Variants in ZHX3 observed in about 807,000 individuals in gnomAD.
ZHX3 encodes zinc fingers and homeoboxes 3.
In ZHX3, 20 loss-of-function variants were observed where a neutral mutation model predicts 64.5. That is an observed-to-expected ratio of 0.31 (90% CI 0.22 to 0.45). The LOEUF is 0.45. Among genes scored for constraint, ZHX3 ranks in the 20% least tolerant of loss-of-function variants. The probability of loss-of-function intolerance (pLI) is 1.00; values close to 1 mark genes in which losing one functional copy is unlikely to be tolerated. For missense variants in ZHX3, 1,041 were observed against 1,195.8 expected (o/e 0.87, Z 1.91); for synonymous variants, 423 against 461.6 (o/e 0.92, Z 1.07).
chr20:41,303,992 G>C (rs1284094262), intron 1 of ZHX3, among the ~76,000 whole-genome samples: 1 of 152,168 alleles, frequency 6.6e-6, no homozygotes, highest in Non-Finnish European at 1.5e-5. Flanking sequence ...TACCTCTTAA[G>C]AGCTAAATCC....
intron 2 of ZHX3, chr20:41,238,919 G>A (rs1439675275): frequency 6.6e-6 from 1 of 151,258 alleles, no homozygotes; most frequent in Non-Finnish European, 1.5e-5. Flanking sequence ...ACATGCAAAT[G>A]GAAAGTTCAG....
At position 41,185,054 on chromosome 20, in the gene ZHX3, AG is replaced by A; in HGVS notation, c.*136del. On this transcript the variant is annotated 3_prime_UTR_variant, in exon 4 of 4. Coordinates refer to ENST00000683867, the MANE Select transcript of ZHX3 (RefSeq NM_001384317.1). The surrounding 1 kb of genome is among the most constrained non-coding windows in gnomAD (Gnocchi z 5.0). Reference sequence around the variant, plus strand: ...AGCGGCAGGCTCTGGGCTGTCTGCGAGGATTCTGGAAGCTCTCCCAGGTGCC... The same window carrying A: ...AGCGGCAGGCTCTGGGCTGTCTGCGAGATTCTGGAAGCTCTCCCAGGTGCC... 1 of 1,552,744 alleles carries A rather than the reference AG, an allele frequency of 6.4e-7. No homozygotes were observed. Among genetic ancestry groups the A allele is most frequent in the East Asian group, 2.4e-5 (1 of 41,088 alleles).
chr20:41,210,934 T>C (rs148955453), intron 2 of ZHX3, among the ~76,000 whole-genome samples: 95 of 152,186 alleles, frequency 6.2e-4, no homozygotes, highest in Non-Finnish European at 1.2e-3. Context: ...AAACAAATAA[T>C]CATTACACTA....
chr20:41,274,054 G>A (rs1230128224), intron 1 of ZHX3, among the ~76,000 whole-genome samples: 1 of 152,042 alleles, frequency 6.6e-6, no homozygotes, highest in Non-Finnish European at 1.5e-5. Context: ...TGTCTGTATC[G>A]CTATGGTAAT....
intron 2 of ZHX3, among the ~76,000 whole-genome samples, chr20:41,229,280 G>A (rs1256675884): frequency 2.6e-5 from 4 of 152,072 alleles, no homozygotes; most frequent in African/African-American, 4.8e-5. Context: ...CCCCCTGTAT[G>A]TATATACAAC....
chr20:41,286,387 A>T (rs989123261), intron 1 of ZHX3, among the ~76,000 whole-genome samples: 1 of 152,204 alleles, frequency 6.6e-6, no homozygotes. Context: ...ACACTCTTGC[A>T]TGGCAGTTTA....
intron 1 of ZHX3, among the ~76,000 whole-genome samples, chr20:41,282,359 A>ATTTTTTT (rs1442916638): frequency 2.6e-4 from 16 of 60,692 alleles, no homozygotes; most frequent in African/African-American, 8.1e-4. Flanking sequence ...GACACAATTC[A>ATTTTTTT]TCTTTTTTTT....
At chr20:41,213,127 A>G (rs945016709) in intron 2 of ZHX3, among the ~76,000 whole-genome samples, 1 of 152,220 alleles carries the variant, frequency 6.6e-6, no homozygotes, top group African/African-American at 2.4e-5. Context: ...TATGATTCCC[A>G]TTTATATGAA....
chr20:41,187,598 C>G (rs1329232440), intron 3 of ZHX3, among the ~76,000 whole-genome samples: 1 of 152,094 alleles, frequency 6.6e-6, no homozygotes, highest in Non-Finnish European at 1.5e-5. Flanking sequence ...GTGGGGATTT[C>G]TGGGCTTTTT....
intron 2 of ZHX3, among the ~76,000 whole-genome samples, chr20:41,214,752 A>G (rs565945455): frequency 1.3e-5 from 2 of 152,338 alleles, no homozygotes; most frequent in South Asian, 2.1e-4. Context: ...CATTCATCCA[A>G]AAGACACTCA....
At chr20:41,309,699 C>G (rs932844151) in intron 1 of ZHX3, among the ~76,000 whole-genome samples, 6 of 152,182 alleles carry the variant, frequency 3.9e-5, no homozygotes, top group African/African-American at 4.8e-5. Flanking sequence ...ACCACAACAT[C>G]TCATTGCTGG....
intron 1 of ZHX3, among the ~76,000 whole-genome samples, chr20:41,295,850 C>CA (rs756423849): frequency 0.03 from 3,087 of 104,546 alleles, 60 homozygotes; most frequent in Middle Eastern, 0.095. Context: ...GACTCCGTCT[C>CA]AAAAAAAAAA....
rs950220299 is a variant in ZHX3 at position 41,184,776 on chromosome 20, C to T, written c.*415G>A. On this transcript the variant is annotated 3_prime_UTR_variant, in exon 4 of 4. Coordinates refer to ENST00000683867, the MANE Select transcript of ZHX3 (RefSeq NM_001384317.1). ...AGACACAGGTCATTTTTAGAGATGA[C>T]GTAACTGACAATGCACTGCTTGGCT... The T allele has an allele frequency of 2.1e-5, 21 of 1,012,002 alleles. No individual in the cohort carries two copies. In the Admixed American group the frequency reaches 2.6e-4, roughly 12 times the overall value. 62.7% of individuals were successfully genotyped at this position (1,012,002 alleles called of 1,614,324 possible). A position where few individuals can be genotyped will look rare whatever the true frequency, so the allele number is the denominator to read the frequency against.
Position 41,204,570 on chromosome 20 carries a change from A to C in ZHX3, c.347T>G (p.Phe116Cys). 3.7e-6 allele frequency: 6 copies of C among 1,614,240 alleles called. No individual in the cohort carries two copies. Among genetic ancestry groups the C allele is most frequent in the Non-Finnish European group, 5.1e-6 (6 of 1,180,046 alleles). Residue 116 changes from phenylalanine (F) to cysteine (C), a missense_variant, in exon 3 of 4, where the codon TTT becomes TGT. Phe to Cys is a radical substitution (Grantham distance 205). This residue lies in a region of ZHX3 where 358 missense variants were observed against 369.1 expected (regional missense o/e 0.97). Coordinates refer to ENST00000683867, the MANE Select transcript of ZHX3 (RefSeq NM_001384317.1). The surrounding 1 kb of genome is among the most constrained non-coding windows in gnomAD (Gnocchi z 6.6). ...AAGCCCCTCAGGGGTTTTTGCCAGA[A>C]AACTGCACCCACTGCATACAAAGGT... ...DPTFVCSGCS[F>C]LAKTPEGLSL...
At chr20:41,234,369 A>C (rs923295156) in intron 2 of ZHX3, among the ~76,000 whole-genome samples, 1 of 152,214 alleles carries the variant, frequency 6.6e-6, no homozygotes, top group African/African-American at 2.4e-5. Context: ...TGGACCTATG[A>C]TCCCAAATAC....
chr20:41,218,664 G>C (rs1416687537), intron 2 of ZHX3, among the ~76,000 whole-genome samples: 1 of 152,292 alleles, frequency 6.6e-6, no homozygotes, highest in African/African-American at 2.4e-5. Context: ...CCTTCCTCAG[G>C]AATGTGTGTG....
intron 1 of ZHX3, among the ~76,000 whole-genome samples, chr20:41,316,552 G>A (rs991361410): frequency 3.7e-4 from 56 of 152,072 alleles, no homozygotes; most frequent in African/African-American, 1.3e-3. Context: ...AAGGACGTGT[G>A]GACGCCTCAT....
At position 41,188,928 on chromosome 20, in the gene ZHX3, TG is replaced by T. The variant is rs1445717104; in HGVS notation, c.2861-3728del. 9.2e-5 allele frequency among the ~76,000 whole-genome samples: 14 copies of T among 152,338 alleles called. No individual in the cohort carries two copies. In the East Asian group the frequency reaches 2.7e-3, roughly 29 times the overall value. Reference sequence around the variant, plus strand: ...GCCATAAAATCGTTGCTCAGACCAATGTCCTGAAGTGTTCTGCACTGTTTTC... The same window carrying T: ...GCCATAAAATCGTTGCTCAGACCAATTCCTGAAGTGTTCTGCACTGTTTTC... On this transcript the variant is annotated intron_variant, in intron 3 of 3. Transcript: ENST00000683867.
chr20:41,197,249 A>G (rs1279783282), intron 3 of ZHX3: 2 of 146,108 alleles, frequency 1.4e-5, no homozygotes, highest in Non-Finnish European at 3.0e-5. Flanking sequence ...TAAAATACAT[A>G]TATATTTTAT....
Sources: gnomAD v4.1 joint callset for allele counts (sites outside exome capture counted in the v4.1 genomes callset) on GRCh38, gnomAD v4.1.1 for gene constraint, gnomAD v4.1.1 regional missense constraint, Gnocchi (gnomAD v3.1) non-coding constraint, MANE v1.5 for transcripts, NCBI Gene and HGNC (gene_info 2026-07-23, HGNC 2026-07-21) for gene names.